The following ITGB2 variants were observed in gnomAD, a reference collection of about 807,000 sequenced individuals.
The protein encoded by ITGB2 is integrin beta-2.
ITGB2 carries 56 observed loss-of-function variants against 86.8 expected under a neutral mutation model. The observed-to-expected ratio is 0.65, with a 90% CI of 0.52 to 0.81. The LOEUF is 0.81. Ranked by LOEUF, ITGB2 falls within the 30% of genes least tolerant of loss-of-function variation. The probability of loss-of-function intolerance (pLI) is 0.00; values close to 1 mark genes in which losing one functional copy is unlikely to be tolerated. For synonymous variants in ITGB2, 457 were observed against 450.4 expected, an observed-to-expected ratio of 1.01 and a Z score of -0.19; for missense variants, 948 against 1,061.2, an observed-to-expected ratio of 0.89 and a Z score of 1.48.
Position 44,901,511 on chromosome 21 carries a change from A to G in ITGB2, c.722T>C (p.Met241Thr). 6.2e-7 allele frequency: 1 copy of G among 1,614,214 alleles called. No homozygotes were observed. The highest frequency in any genetic ancestry group is 8.5e-7 in the Non-Finnish European group (1 of 1,180,036). ...CCTCACCGGGCAGGCGGCGACCTGCATCATGGCGTCCAGCCCACCCTCGGG... is the reference window on the plus strand; with the variant it reads ...CCTCACCGGGCAGGCGGCGACCTGCGTCATGGCGTCCAGCCCACCCTCGGG... ...DAPEGGLDAM[M>T]QVAACPEEIG... is the part of the protein sequence containing the mutation. Residue 241 changes from methionine (M) to threonine (T), a missense_variant, in exon 6 of 16, where the codon ATG becomes ACG. Met to Thr is a moderately conservative substitution (Grantham distance 81). Transcript: ENST00000652462.
intron 1 of ITGB2, among the ~76,000 whole-genome samples, chr21:44,915,406 T>C (rs1047393623): frequency 1.3e-5 from 2 of 152,126 alleles, no homozygotes; most frequent in African/African-American, 2.4e-5. Flanking sequence ...CATTGGAACT[T>C]TGCATCAGAG....
At chr21:44,922,780 G>T (rs1486709459), upstream of ITGB2, 2 of 152,060 alleles carry the variant, frequency 1.3e-5, no homozygotes, top group African/African-American at 4.8e-5. Flanking sequence ...AACCCATCAG[G>T]AATCACAGCA....
In ITGB2 at chr21:44,903,336, G is replaced by A. The variant is rs755558745; in HGVS notation, c.499+29C>T. 13 of 1,613,670 alleles carry A rather than the reference G, an allele frequency of 8.1e-6. 1 individual carries two copies. The South Asian group carries it at 9.9e-5, about 12-fold the overall frequency. On this transcript the variant is annotated intron_variant, in intron 5 of 15. Transcript: ENST00000652462. The stretch of plus-strand genomic sequence containing the variant: ...GTGGCCAGGGTCTGGGAAAGGACTG[G>A]GTTTTGTCCTGCAGTGCCTGGGCCT...
intron 10 of ITGB2, among the ~76,000 whole-genome samples, chr21:44,892,457 T>A (rs867327091): frequency 6.6e-6 from 1 of 151,990 alleles, no homozygotes; most frequent in South Asian, 2.1e-4. Context: ...CTGTCTCTAC[T>A]AAAAATACAA....
At chr21:44,889,069 G>T in intron 13 of ITGB2, 174 bp from the exon 14 acceptor site, 1 of 707,430 alleles carries the variant, frequency 1.4e-6, no homozygotes, top group Non-Finnish European at 2.4e-6. Flanking sequence ...CTGGAAGCCT[G>T]ATCCCAGGGC....
intron 1 of ITGB2, 105 bp from the exon 2 acceptor site, chr21:44,910,890 G>T: frequency 8.5e-7 from 1 of 1,176,318 alleles, no homozygotes; most frequent in Non-Finnish European, 1.2e-6. Flanking sequence ...CTGGGGCCCT[G>T]TCCCTGCTGC....
Position 44,886,079 on chromosome 21 carries a change from T to C in ITGB2, c.*289A>G, listed in dbSNP as rs541047362. The C allele has an allele frequency of 3.7e-4, 191 of 520,864 alleles. No homozygotes were observed. In the South Asian group the frequency reaches 3.9e-3, roughly 11 times the overall value. The allele number at this position is 520,864 out of a possible 1,614,324, so 32.3% of individuals were successfully genotyped here. A position where few individuals can be genotyped will look rare whatever the true frequency, so the allele number is the denominator to read the frequency against. On this transcript the variant is annotated 3_prime_UTR_variant, in exon 16 of 16. Transcript: ENST00000652462. ...AATGTAAATAAATTGGCACCACCTT[T>C]AATCAGACTGATGTCCTGACTTGCA...
upstream of ITGB2, among the ~76,000 whole-genome samples, chr21:44,921,815 G>A (rs765533901): frequency 3.3e-5 from 5 of 152,052 alleles, no homozygotes; most frequent in South Asian, 2.1e-4. Flanking sequence ...TCTGCCTCCC[G>A]GGTTCAAGCA....
chr21:44,899,201 A>G (rs747229332), intron 7 of ITGB2, 39 bp from the exon 8 acceptor site: 2 of 1,485,308 alleles, frequency 1.3e-6, no homozygotes. Context: ...CCCCGAGTCC[A>G]GGACAAGGCT....
Position 44,917,651 on chromosome 21 carries a change from G to A in ITGB2, c.-4+3170C>T, listed in dbSNP as rs141376955. Among the ~76,000 whole-genome samples the A allele has an allele frequency of 5.2e-4, 79 of 152,160 alleles. 1 individual carries two copies. In the East Asian group the frequency reaches 0.012, roughly 24 times the overall value. On this transcript the variant is annotated intron_variant, in intron 1 of 15. Transcript: ENST00000652462. ...GCTTGCCAGCCTCTCCTCTAGGCACGGCGCAGGGGCTGAGAGCTGCACTCC... is the reference window on the plus strand; with the variant it reads ...GCTTGCCAGCCTCTCCTCTAGGCACAGCGCAGGGGCTGAGAGCTGCACTCC...
At chr21:44,895,879 A>ATAT in intron 8 of ITGB2, among the ~76,000 whole-genome samples, 1 of 145,788 alleles carries the variant, frequency 6.9e-6, no homozygotes, top group African/African-American at 2.6e-5. Context: ...ATGAAATAAA[A>ATAT]AAATAAATAA....
At chr21:44,912,266 C>T (rs1157962687) in intron 1 of ITGB2, among the ~76,000 whole-genome samples, 8 of 152,152 alleles carry the variant, frequency 5.3e-5, no homozygotes, top group South Asian at 4.1e-4. Context: ...TTGAAGACAG[C>T]GCTGGGTGCT....
At chr21:44,895,618 GA>G (rs1212464823) in intron 8 of ITGB2, among the ~76,000 whole-genome samples, 1 of 152,006 alleles carries the variant, frequency 6.6e-6, no homozygotes, top group East Asian at 1.9e-4. Flanking sequence ...AAAGTGGGTG[GA>G]TCACTGAGGT....
intron 11 of ITGB2, among the ~76,000 whole-genome samples, chr21:44,890,483 CTG>C (rs2083771130): frequency 6.6e-6 from 1 of 152,224 alleles, no homozygotes; most frequent in Non-Finnish European, 1.5e-5. Context: ...GGCAGGCTCA[CTG>C]TGGAGCTGTG....
rs1319975985 is a variant in ITGB2 at position 44,903,495 on chromosome 21, C to T, written c.369G>A (p.Lys123=). The T allele has an allele frequency of 4.3e-6, 7 of 1,613,984 alleles. No homozygotes were observed. The highest frequency in any genetic ancestry group is 4.2e-6 in the Non-Finnish European group (5 of 1,179,986). ...AAFNVTFRRA[K]GYPIDLYYLM... The stretch of plus-strand genomic sequence containing the variant: ...GATAGTACAGGTCGATGGGGTAGCC[C>T]TTGGCCCGCCGGAAGGTCACGTTGA... Residue 123 remains lysine (K), a synonymous_variant, in exon 5 of 16, where the codon AAG becomes AAA. Transcript: ENST00000652462.
Position 44,897,803 on chromosome 21 carries a change from C to T in ITGB2, c.993+1264G>A, listed in dbSNP as rs536551040. On this transcript the variant is annotated intron_variant, in intron 8 of 15. Transcript: ENST00000652462. ...CTGTGTAAAGTACAATGACAACCACCTCCTTCCTCCAGCTCAGTCCTTCTG... is the reference window on the plus strand; with the variant it reads ...CTGTGTAAAGTACAATGACAACCACTTCCTTCCTCCAGCTCAGTCCTTCTG... 1.3e-4 allele frequency among the ~76,000 whole-genome samples: 20 copies of T among 152,340 alleles called. 2 individuals are homozygous for T. In the South Asian group the frequency reaches 4.1e-3, roughly 32 times the overall value.
upstream of ITGB2, among the ~76,000 whole-genome samples, chr21:44,923,637 T>C (rs1361900264): frequency 1.3e-5 from 2 of 152,206 alleles, no homozygotes; most frequent in Non-Finnish European, 2.9e-5. Context: ...CAAGGAAGTG[T>C]AAAGTTATTA....
Position 44,901,586 on chromosome 21 carries a change from T to C in ITGB2, c.647A>G (p.Gln216Arg), listed in dbSNP as rs746456010. ...HVLKLTNNSN[Q>R]FQTEVGKQLI... ...CTGCTTCCCGACCTCGGTCTGAAACTGGTTGGAGTTGTTGGTCAGCTTCAG... is the reference window on the plus strand; with the variant it reads ...CTGCTTCCCGACCTCGGTCTGAAACCGGTTGGAGTTGTTGGTCAGCTTCAG... The change falls in exon 6 of 16, where the codon CAG becomes CGG. Residue 216 changes from glutamine to arginine, a missense_variant. Gln to Arg is a conservative substitution (Grantham distance 43, BLOSUM62 1). Coordinates refer to ENST00000652462, the MANE Select transcript of ITGB2 (RefSeq NM_000211.5). The C allele has an allele frequency of 6.8e-6, 11 of 1,614,232 alleles. 1 individual carries two copies. The South Asian group carries it at 1.2e-4, about 18-fold the overall frequency.
chr21:44,900,687 C>T (rs377510871), intron 6 of ITGB2, among the ~76,000 whole-genome samples: 14 of 152,186 alleles, frequency 9.2e-5, no homozygotes, highest in Non-Finnish European at 1.5e-4. Context: ...ACATGTGAGG[C>T]GCAGGGAGTG....
Sources: gnomAD v4.1 joint callset for allele counts (sites outside exome capture counted in the v4.1 genomes callset) on GRCh38, gnomAD v4.1.1 for gene constraint, MANE v1.5 for transcripts, NCBI Gene and HGNC (gene_info 2026-07-23, HGNC 2026-07-21) for gene names.